The following RALGAPA1 variants were observed in gnomAD, a reference collection of about 807,000 sequenced individuals.
The protein encoded by RALGAPA1 is ral GTPase-activating protein subunit alpha-1.
Under a neutral mutation model 269.6 loss-of-function variants are expected in RALGAPA1, and 52 were observed. The ratio of observed to expected loss-of-function variants is 0.19; its 90% CI spans 0.15 to 0.24. The LOEUF is 0.24. RALGAPA1 is among the 10% of genes least tolerant of loss of function. RALGAPA1 has a pLI of 1.00. For missense variants in RALGAPA1, 1,917 were observed against 3,013.9 expected (o/e 0.64, Z 8.52); for synonymous variants, 817 against 1,008.3 (o/e 0.81, Z 3.60).
At chr14:35,708,491 T>C (rs550280855) in intron 16 of RALGAPA1, among the ~76,000 whole-genome samples, 1 of 152,218 alleles carries the variant, frequency 6.6e-6, no homozygotes, top group South Asian at 2.1e-4. Flanking sequence ...CAAACAGGTA[T>C]GCGAAAAGGT....
rs757468237 is a variant in RALGAPA1, at chr14:35,721,772, C to A, written c.2182G>T (p.Ala728Ser). ...RGWSRDQPGQ[A>S]PMRQRSATTT... ...GTTGCACTCCTCTGTCTCATTGGGG[C>A]TTGGCCAGGCTGATCACGACTCCAT... is the stretch of plus-strand genomic sequence containing the variant. Residue 728 changes from alanine (A) to serine (S), a missense_variant, in exon 16 of 42, where the codon GCC becomes TCC. Ala to Ser is a moderately conservative substitution (Grantham distance 99). Around this residue, in one of 11 missense-constraint regions of RALGAPA1, gnomAD observed 125 missense variants for 155.7 expected, o/e 0.80. Coordinates refer to ENST00000680220, the MANE Select transcript of RALGAPA1 (RefSeq NM_001346249.2). 10 of 1,612,548 alleles carry A rather than the reference C, an allele frequency of 6.2e-6. No individual in the cohort carries two copies. The highest frequency in any genetic ancestry group is 8.5e-6 in the Non-Finnish European group (10 of 1,178,754).
chr14:35,561,531 T>G (rs1423398558), intron 39 of RALGAPA1, among the ~76,000 whole-genome samples: 1 of 138,530 alleles, frequency 7.2e-6, no homozygotes, highest in Non-Finnish European at 1.5e-5. Flanking sequence ...TTTTTTTTTT[T>G]TGAGACAGAG....
At chr14:35,552,148 A>G (rs1049089983) in intron 39 of RALGAPA1, among the ~76,000 whole-genome samples, 1 of 152,076 alleles carries the variant, frequency 6.6e-6, no homozygotes, top group African/African-American at 2.4e-5. Flanking sequence ...AGCCAACCCA[A>G]TCTACAGGAC....
intron 37 of RALGAPA1, among the ~76,000 whole-genome samples, chr14:35,584,927 CAT>C (rs908181932): frequency 9.9e-5 from 15 of 152,142 alleles, no homozygotes; most frequent in Middle Eastern, 6.8e-3. Flanking sequence ...GAGCTAAAAA[CAT>C]ATATATTGTC....
At chr14:35,573,004 T>C in intron 37 of RALGAPA1, 1 of 205,492 alleles carries the variant, frequency 4.9e-6, no homozygotes, top group African/African-American at 2.3e-5. Flanking sequence ...AATTCTCCAC[T>C]AACAGATCTT....
chr14:35,758,223 G>A (rs1267428050), intron 6 of RALGAPA1, among the ~76,000 whole-genome samples: 2 of 115,180 alleles, frequency 1.7e-5, no homozygotes, highest in Non-Finnish European at 3.2e-5. Context: ...CAGCCTGGGC[G>A]ACAGAGCAAG....
intron 31 of RALGAPA1, among the ~76,000 whole-genome samples, chr14:35,647,108 C>A (rs1197510820): frequency 6.6e-6 from 1 of 152,096 alleles, no homozygotes; most frequent in African/African-American, 2.4e-5. Context: ...CTTAACCTTT[C>A]TAAGGCTCAA....
At chr14:35,741,120 C>T (rs1170165800) in intron 11 of RALGAPA1, among the ~76,000 whole-genome samples, 1 of 152,030 alleles carries the variant, frequency 6.6e-6, no homozygotes, top group Non-Finnish European at 1.5e-5. Context: ...CCTTTCATTC[C>T]TTCCATTGTT....
chr14:35,790,544 C>G (rs1231566030), intron 1 of RALGAPA1, among the ~76,000 whole-genome samples: 1 of 151,858 alleles, frequency 6.6e-6, no homozygotes, highest in Non-Finnish European at 1.5e-5. Flanking sequence ...AAAAATTAGC[C>G]AGGTGTGCTA....
intron 7 of RALGAPA1, among the ~76,000 whole-genome samples, chr14:35,752,758 C>T (rs1297308916): frequency 6.6e-6 from 1 of 152,058 alleles, no homozygotes; most frequent in Non-Finnish European, 1.5e-5. Context: ...GAGTGGGGTA[C>T]TGGAACCCAA....
chr14:35,615,365 A>T (rs925630132), intron 35 of RALGAPA1, among the ~76,000 whole-genome samples: 10 of 152,194 alleles, frequency 6.6e-5, no homozygotes, highest in Non-Finnish European at 1.3e-4. Context: ...GGCAAAGAAA[A>T]TAAAGAATCT....
chr14:35,704,795 A>C (rs2067661196), intron 16 of RALGAPA1, among the ~76,000 whole-genome samples: 1 of 152,148 alleles, frequency 6.6e-6, no homozygotes, highest in Non-Finnish European at 1.5e-5. Context: ...ACAAGAGAAG[A>C]ACCAGGTTTG....
intron 1 of RALGAPA1, among the ~76,000 whole-genome samples, chr14:35,794,612 G>A (rs995500846): frequency 3.3e-5 from 5 of 152,038 alleles, no homozygotes; most frequent in East Asian, 1.9e-4. Flanking sequence ...GCCCGCCACG[G>A]CGCCCGGCTA....
intron 13 of RALGAPA1, among the ~76,000 whole-genome samples, chr14:35,727,515 C>A (rs1211062895): frequency 6.6e-6 from 1 of 151,360 alleles, no homozygotes; most frequent in Non-Finnish European, 1.5e-5. Flanking sequence ...ACTGCAGAAC[C>A]ACTTTCCCAT....
chr14:35,605,783 T>C lies in RALGAPA1; in HGVS notation c.6930-74A>G, dbSNP rs75706569. ...TCATTCATCCAACAATTAAGTTCTA[T>C]GTACAAAGTATGTAGCAATAAAAAG... is the stretch of plus-strand genomic sequence containing the variant. On this transcript the variant is annotated intron_variant, in intron 35 of 41. Transcript: ENST00000680220. 1,338 of 1,521,750 alleles carry C rather than the reference T, an allele frequency of 8.8e-4. 22 individuals carry two copies. In the East Asian group the frequency reaches 0.029, roughly 32 times the overall value. The allele number at this position is 1,521,750 out of a possible 1,614,324, so 94.3% of individuals were successfully genotyped here.
At chr14:35,663,746 T>C (rs2063722456) in intron 27 of RALGAPA1, among the ~76,000 whole-genome samples, 1 of 152,016 alleles carries the variant, frequency 6.6e-6, no homozygotes, top group South Asian at 2.1e-4. Context: ...CCCGCCACCA[T>C]GCCCGGCTAA....
At chr14:35,704,101 T>C (rs1238734165) in intron 16 of RALGAPA1, among the ~76,000 whole-genome samples, 3 of 152,204 alleles carry the variant, frequency 2.0e-5, no homozygotes, top group Non-Finnish European at 4.4e-5. Flanking sequence ...TATACATTCC[T>C]ATCCATTGGC....
chr14:35,728,229 T>C, intron 13 of RALGAPA1, 133 bp downstream of exon 13: 1 of 864,260 alleles, frequency 1.2e-6, no homozygotes, highest in Non-Finnish European at 1.6e-6. Context: ...TGATTAATTT[T>C]ATATTTATTC....
chr14:35,741,605 T>C (rs769901106), intron 11 of RALGAPA1, among the ~76,000 whole-genome samples: 1 of 152,226 alleles, frequency 6.6e-6, no homozygotes, highest in African/African-American at 2.4e-5. Flanking sequence ...TACTCAATCA[T>C]TCCTATCTAG....
Sources: allele counts gnomAD v4.1 joint callset (sites outside exome capture counted in the v4.1 genomes callset), GRCh38; gene constraint gnomAD v4.1.1; regional missense constraint gnomAD v4.1.1; transcripts MANE v1.5; gene names NCBI Gene and HGNC (gene_info 2026-07-23, HGNC 2026-07-21).